RAD23A: variants seen among roughly 807,000 people sequenced by gnomAD.
RAD23A encodes the protein RAD23 nucleotide excision repair protein A.
Under a neutral mutation model 44.8 loss-of-function variants are expected in RAD23A, and 16 were observed. That is an observed-to-expected ratio of 0.36 (90% CI 0.24 to 0.54). The LOEUF (loss-of-function observed/expected upper bound fraction) is 0.54. Ranked by LOEUF, RAD23A falls within the 20% of genes least tolerant of loss-of-function variation. RAD23A has a pLI of 0.89. For missense variants in RAD23A, 380 were observed against 483.3 expected (o/e 0.79, Z 2.00); for synonymous variants, 217 against 202.9 (o/e 1.07, Z -0.59).
Position 12,953,173 on chromosome 19 carries a change from AAAAAC to A in RAD23A, c.*127_*131del. 1 of 698,960 alleles carries A rather than the reference AAAAAC, an allele frequency of 1.4e-6. No homozygotes were observed. Among genetic ancestry groups the A allele is most frequent in the Non-Finnish European group, 2.2e-6 (1 of 449,634 alleles). The allele number at this position is 698,960 out of a possible 1,614,324, so 43.3% of individuals were successfully genotyped here. On this transcript the variant is annotated 3_prime_UTR_variant, in exon 9 of 9. Coordinates refer to ENST00000586534, the MANE Select transcript of RAD23A (RefSeq NM_005053.4). ...TGGAAAAAAAAATCAAAAATCTTAA[AAAAAC>A]AAGCAAACAGTCCAGCTTCCTGTCC...
Position 12,952,707 on chromosome 19 carries a change from G to C in RAD23A, c.832G>C (p.Glu278Gln), listed in dbSNP as rs778878178. 4.3e-6 allele frequency: 7 copies of C among 1,611,384 alleles called. No individual in the cohort carries two copies. The highest frequency in any genetic ancestry group is 2.2e-5 in the South Asian group (2 of 90,982). ...CCTGCAGCAAATCAGCCGGCACCAG[G>C]AGCAGTTCATCCAGATGCTGAACGA... ...QLLQQISRHQ[E>Q]QFIQMLNEPP... The change falls in exon 8 of 9, where the codon GAG (glutamate) becomes CAG (glutamine). Residue 278 changes from glutamate to glutamine, a missense_variant. Glu to Gln is a conservative substitution (Grantham distance 29). Around this residue, in one of 3 missense-constraint regions of RAD23A, gnomAD observed 279 missense variants for 313.7 expected, o/e 0.89. Coordinates refer to ENST00000586534, the MANE Select transcript of RAD23A (RefSeq NM_005053.4).
rs758454088 is a variant in RAD23A, at chr19:12,949,263, TC to T, written c.680-10del. On this transcript the variant is annotated splice_polypyrimidine_tract_variant and intron_variant, in intron 6 of 8. Transcript: ENST00000586534. ...CGGCGTGGTGTCTGACTGCACCCCT[TC>T]CTACTACCAGCAGGAGAGAACCCCC... 6.2e-7 allele frequency: 1 copy of T among 1,613,960 alleles called. No homozygotes were observed. Among genetic ancestry groups the T allele is most frequent in the Non-Finnish European group, 8.5e-7 (1 of 1,179,866 alleles).
Position 12,948,430 on chromosome 19 carries a change from C to T in RAD23A, c.417-67C>T. 1 of 1,545,434 alleles carries T rather than the reference C, an allele frequency of 6.5e-7. No homozygotes were observed. The highest frequency in any genetic ancestry group is 8.7e-7 in the Non-Finnish European group (1 of 1,144,958). ...CATTCCAGCGTCCACATAAGTGGTC[C>T]CACACACCTGGAGGGAGGGCAAGCC... On this transcript the variant is annotated intron_variant, in intron 3 of 8. Coordinates refer to ENST00000586534, the MANE Select transcript of RAD23A (RefSeq NM_005053.4). This position sits in a 1 kb window ranked among gnomAD's most constrained non-coding sequence, Gnocchi z 5.5.
In RAD23A at chr19:12,946,024, CGGGCCGGGCCGGAGCCCG is replaced by C. The variant is rs1568451731; in HGVS notation, c.72+8_72+25del. On this transcript the variant is annotated splice_donor_5th_base_variant and intron_variant, in intron 1 of 8. Coordinates refer to ENST00000586534, the MANE Select transcript of RAD23A (RefSeq NM_005053.4). ...CCGCATGGAGCCTGACGAGACGGTG[CGGGCCGGGCCGGAGCCCG>C]GGGGCGGGAGCGACGGGTTTCGGGG... is the stretch of plus-strand genomic sequence containing the variant. The C allele has an allele frequency of 3.5e-6, 4 of 1,141,326 alleles. No individual in the cohort carries two copies. Among genetic ancestry groups the C allele is most frequent in the Admixed American group, 2.8e-5 (1 of 35,824 alleles). 70.7% of individuals were successfully genotyped at this position (1,141,326 alleles called of 1,614,324 possible).
chr19:12,948,612 G>A lies in RAD23A; in HGVS notation c.472+60G>A, dbSNP rs1230259460. On this transcript the variant is annotated intron_variant, in intron 4 of 8. Transcript: ENST00000586534. The surrounding 1 kb of genome is among the most constrained non-coding windows in gnomAD (Gnocchi z 5.5). ...GTGCCCCAGCCATCAGCTGGGCCTTGTCTGGGTGCGGGAGGGCCTGGGAGC... is the reference window on the plus strand; with the variant it reads ...GTGCCCCAGCCATCAGCTGGGCCTTATCTGGGTGCGGGAGGGCCTGGGAGC... The A allele has an allele frequency of 1.9e-6, 3 of 1,577,958 alleles. No individual in the cohort carries two copies. Among genetic ancestry groups the A allele is most frequent in the Non-Finnish European group, 2.6e-6 (3 of 1,161,838 alleles).
At chr19:12,949,541 G>A in intron 7 of RAD23A, 133 bp downstream of exon 7, 5 of 1,262,870 alleles carry the variant, frequency 4.0e-6, no homozygotes, top group Non-Finnish European at 4.4e-6. Flanking sequence ...CCACGCCCCT[G>A]TGCTTCCTGT....
chr19:12,946,030 G>A lies in RAD23A; in HGVS notation c.72+10G>A, dbSNP rs1397920102. 1 of 1,593,542 alleles carries A rather than the reference G, an allele frequency of 6.3e-7. No homozygotes were observed. Among genetic ancestry groups the A allele is most frequent in the Non-Finnish European group, 8.5e-7 (1 of 1,172,692 alleles). Reference sequence around the variant, plus strand: ...GGAGCCTGACGAGACGGTGCGGGCCGGGCCGGAGCCCGGGGGCGGGAGCGA... The same window carrying A: ...GGAGCCTGACGAGACGGTGCGGGCCAGGCCGGAGCCCGGGGGCGGGAGCGA... On this transcript the variant is annotated intron_variant, in intron 1 of 8. Transcript: ENST00000586534.
At chr19:12,946,066 GGGTGGGGT>G in intron 1 of RAD23A, 46 bp downstream of exon 1, 2 of 1,338,242 alleles carry the variant, frequency 1.5e-6, no homozygotes, top group Admixed American at 2.1e-5. Flanking sequence ...CGGGTTTCGG[GGGTGGGGT>G]GGGGGCGGGG....
chr19:12,949,098 C>T lies in RAD23A; in HGVS notation c.618C>T (p.Pro206=), dbSNP rs200278274. The T allele has an allele frequency of 6.1e-5, 99 of 1,613,032 alleles. No individual in the cohort carries two copies. Among genetic ancestry groups the T allele is most frequent in the Non-Finnish European group, 8.0e-5 (94 of 1,179,620 alleles). Residue 206 remains proline, a synonymous_variant, in exon 6 of 9, where the codon CCC becomes CCT. Coordinates refer to ENST00000586534, the MANE Select transcript of RAD23A (RefSeq NM_005053.4). ...EYLLTGIPGS[P]EPEHGSVQES... The stretch of plus-strand genomic sequence containing the variant: ...CCTGACAGGGAATTCCTGGGAGCCC[C>T]GAGCCGGAACACGGTTCTGTCCAGG...
chr19:12,951,334 C>G (rs1179715176), intron 7 of RAD23A, among the ~76,000 whole-genome samples: 3 of 152,230 alleles, frequency 2.0e-5, no homozygotes, highest in Non-Finnish European at 4.4e-5. Context: ...ACTGTCACCA[C>G]CGTGGCTTCC....
intron 7 of RAD23A, among the ~76,000 whole-genome samples, chr19:12,950,995 C>T (rs1026726195): frequency 2.6e-5 from 4 of 152,174 alleles, no homozygotes; most frequent in Non-Finnish European, 5.9e-5. Flanking sequence ...ACCCAGGAGG[C>T]AGAAATTACA....
chr19:12,950,457 T>C (rs1971779594), intron 7 of RAD23A, among the ~76,000 whole-genome samples: 1 of 151,698 alleles, frequency 6.6e-6, no homozygotes, highest in Admixed American at 6.6e-5. Flanking sequence ...CAGGCTGGAG[T>C]GCAATGGCGC....
chr19:12,947,038 C>CA (rs978515324), intron 1 of RAD23A, among the ~76,000 whole-genome samples: 23 of 151,434 alleles, frequency 1.5e-4, no homozygotes, highest in African/African-American at 4.6e-4. Context: ...CCGTTCTCTA[C>CA]AAAAAAAAGA....
At chr19:12,946,051 AGC>A in intron 1 of RAD23A, 31 bp downstream of exon 1, 1 of 393,530 alleles carries the variant, frequency 2.5e-6, no homozygotes. Flanking sequence ...CGGGGGCGGG[AGC>A]GACGGGTTTC....
Position 12,948,932 on chromosome 19 carries a change from C to G in RAD23A, c.600+119C>G, listed in dbSNP as rs1329038029. On this transcript the variant is annotated intron_variant, in intron 5 of 8. Transcript: ENST00000586534. The surrounding 1 kb of genome is among the most constrained non-coding windows in gnomAD (Gnocchi z 5.5). ...AAAAGCCTTTGGGTAGTGATTCTAG[C>G]CACTAAAGGCTTCCCACAGGAGGCT... The G allele has an allele frequency of 3.9e-6, 6 of 1,534,926 alleles. No homozygotes were observed. Among genetic ancestry groups the G allele is most frequent in the Non-Finnish European group, 5.3e-6 (6 of 1,128,292 alleles).
rs1971730749 is a variant in RAD23A at position 12,948,760 on chromosome 19, G to A, written c.547G>A (p.Ala183Thr). 4.3e-6 allele frequency: 7 copies of A among 1,613,288 alleles called. No homozygotes were observed. The highest frequency in any genetic ancestry group is 5.9e-6 in the Non-Finnish European group (7 of 1,179,926). Residue 183 changes from alanine (A) to threonine (T), a missense_variant, in exon 5 of 9, where the codon GCC (alanine) becomes ACC (threonine). Physicochemically the swap from Ala to Thr is moderately conservative, Grantham distance 58. This residue lies in a region of RAD23A where 279 missense variants were observed against 313.7 expected (regional missense o/e 0.89). Coordinates refer to ENST00000586534, the MANE Select transcript of RAD23A (RefSeq NM_005053.4). This position sits in a 1 kb window ranked among gnomAD's most constrained non-coding sequence, Gnocchi z 5.5. ...MGYERERVVAALRASYNNPHR... is the reference protein window; with the variant it reads ...MGYERERVVATLRASYNNPHR... ...CTATGAGCGAGAGCGGGTCGTGGCC[G>A]CCCTGAGAGCCAGCTACAACAACCC... is the stretch of plus-strand genomic sequence containing the variant.
Position 12,947,997 on chromosome 19 carries a change from C to G in RAD23A, c.222C>G (p.Val74=). The G allele has an allele frequency of 6.2e-7, 1 of 1,613,496 alleles. No homozygotes were observed. The highest frequency in any genetic ancestry group is 8.5e-7 in the Non-Finnish European group (1 of 1,179,970). Residue 74 remains valine, a synonymous_variant, in exon 2 of 9, where the codon GTC becomes GTG. Transcript: ENST00000586534. ...TCGATGAGAAGAACTTTGTGGTCGT[C>G]ATGGTGACCAAGGTGGGTGACGTGT... The part of the protein sequence containing the change: ...YRIDEKNFVV[V]MVTKTKAGQG...
At chr19:12,952,606 G>A (rs1971844662) in intron 7 of RAD23A, 83 bp from the exon 8 acceptor site, 1 of 1,447,534 alleles carries the variant, frequency 6.9e-7, no homozygotes, top group Admixed American at 2.1e-5. Context: ...CTGACTGAAT[G>A]AAAAAGCAAG....
At position 12,953,080 on chromosome 19, in the gene RAD23A, C is replaced by A; in HGVS notation, c.*31C>A. ...GGAAGCCAGGCCACCGAAGCCCCCA[C>A]CCTACCCTTATTCCATGAAAGTTTT... On this transcript the variant is annotated 3_prime_UTR_variant, in exon 9 of 9. Coordinates refer to ENST00000586534, the MANE Select transcript of RAD23A (RefSeq NM_005053.4). 6.7e-7 allele frequency: 1 copy of A among 1,495,252 alleles called. No homozygotes were observed. Among genetic ancestry groups the A allele is most frequent in the Non-Finnish European group, 9.3e-7 (1 of 1,075,832 alleles). The allele number at this position is 1,495,252 out of a possible 1,614,324, so 92.6% of individuals were successfully genotyped here. A position where few individuals can be genotyped will look rare whatever the true frequency, so the allele number is the denominator to read the frequency against.
Sources: allele counts gnomAD v4.1 joint callset (sites outside exome capture counted in the v4.1 genomes callset), GRCh38; gene constraint gnomAD v4.1.1; regional missense constraint gnomAD v4.1.1; non-coding constraint Gnocchi (gnomAD v3.1); transcripts MANE v1.5; gene names NCBI Gene and HGNC (gene_info 2026-07-23, HGNC 2026-07-21).